Variants in CNTNAP2 observed in about 807,000 individuals in gnomAD.
CNTNAP2 encodes contactin associated protein 2.
CNTNAP2 carries 98 observed loss-of-function variants against 155.2 expected under a neutral mutation model. That is an observed-to-expected ratio of 0.63 (90% confidence interval 0.54 to 0.75). The LOEUF (loss-of-function observed/expected upper bound fraction) is 0.75. Ranked by LOEUF, CNTNAP2 falls within the 30% of genes least tolerant of loss-of-function variation. The pLI is 0.00. For synonymous variants in CNTNAP2, 651 were observed against 631.2 expected, an observed-to-expected ratio of 1.03 and a Z score of -0.47; for missense variants, 1,727 against 1,688.1, an observed-to-expected ratio of 1.02 and a Z score of -0.40.
chr7:147,874,488 A>G (rs1799388178), intron 13 of CNTNAP2, among the ~76,000 whole-genome samples: 1 of 152,350 alleles, frequency 6.6e-6, no homozygotes, highest in African/African-American at 2.4e-5. Flanking sequence ...CCTTTTAGCC[A>G]TGGCTGGAGC....
intron 3 of CNTNAP2, among the ~76,000 whole-genome samples, chr7:147,041,260 T>C (rs1229872010): frequency 6.6e-6 from 1 of 152,240 alleles, no homozygotes; most frequent in Non-Finnish European, 1.5e-5. Flanking sequence ...CCTTGTGTAT[T>C]CCTGAACACC....
intron 1 of CNTNAP2, among the ~76,000 whole-genome samples, chr7:146,518,248 A>G (rs1797569300): frequency 6.6e-6 from 1 of 151,728 alleles, no homozygotes; most frequent in Non-Finnish European, 1.5e-5. Flanking sequence ...TGAGTAGAAC[A>G]GGCTTGAAAA....
intron 1 of CNTNAP2, among the ~76,000 whole-genome samples, chr7:146,118,384 A>T (rs1250061386): frequency 1.3e-5 from 2 of 152,164 alleles, no homozygotes. Context: ...TTATAAATTT[A>T]AACAAATTTT....
At chr7:147,282,957 TAAAAG>T (rs1805077820) in intron 8 of CNTNAP2, among the ~76,000 whole-genome samples, 2 of 151,884 alleles carry the variant, frequency 1.3e-5, no homozygotes, top group Non-Finnish European at 2.9e-5. Flanking sequence ...TGAAAACCCT[TAAAAG>T]TGTCCTGAAG....
Position 146,333,211 on chromosome 7 carries a change from T to G in CNTNAP2, c.97+216238T>G, listed in dbSNP as rs536896491. 9.9e-5 allele frequency among the ~76,000 whole-genome samples: 15 copies of G among 152,128 alleles called. 1 individual carries two copies. In the South Asian group the frequency reaches 2.9e-3, roughly 29 times the overall value. ...CCACCCGCCTCGGCCTCCCAAAGTG[T>G]TGGGATTACTAGCATGAGCCACGAT... On this transcript the variant is annotated intron_variant, in intron 1 of 23. Transcript: ENST00000361727.
chr7:147,722,781 C>T (rs979039967), intron 13 of CNTNAP2, among the ~76,000 whole-genome samples: 10 of 152,058 alleles, frequency 6.6e-5, no homozygotes, highest in African/African-American at 2.4e-4. Flanking sequence ...AACTGCAACA[C>T]CTGCTACTGT....
chr7:147,311,650 G>A (rs1795129509), intron 9 of CNTNAP2, among the ~76,000 whole-genome samples: 1 of 152,084 alleles, frequency 6.6e-6, no homozygotes, highest in African/African-American at 2.4e-5. Flanking sequence ...AATACATAAA[G>A]GTAGTTACAG....
intron 9 of CNTNAP2, among the ~76,000 whole-genome samples, chr7:147,365,383 GAAAAAAAAAAAAA>G (rs10557373): frequency 9.4e-4 from 88 of 93,656 alleles, no homozygotes; most frequent in African/African-American, 2.9e-3. Flanking sequence ...ATCTCAAAAA[GAAAAAAAAAAAAA>G]AAAAAAAAAA....
chr7:148,156,839 T>G (rs1290397971), intron 17 of CNTNAP2, among the ~76,000 whole-genome samples: 1 of 152,158 alleles, frequency 6.6e-6, no homozygotes, highest in Non-Finnish European at 1.5e-5. Flanking sequence ...CTTGATTTCC[T>G]TCTTCCCTTT....
intron 10 of CNTNAP2, among the ~76,000 whole-genome samples, chr7:147,453,310 G>A (rs76372194): frequency 0.016 from 2,450 of 152,192 alleles, 69 homozygotes; most frequent in African/African-American, 0.055. Context: ...CAGAGACACC[G>A]GCCTTCCTGC....
chr7:147,624,634 C>G (rs1295533019), intron 12 of CNTNAP2, among the ~76,000 whole-genome samples: 2 of 152,044 alleles, frequency 1.3e-5, no homozygotes, highest in Non-Finnish European at 2.9e-5. Context: ...ATATGGGGAA[C>G]AGGAAATCCT....
intron 12 of CNTNAP2, among the ~76,000 whole-genome samples, chr7:147,575,405 T>TGA (rs1800378272): frequency 1.5e-5 from 2 of 137,256 alleles, no homozygotes; most frequent in Admixed American, 7.3e-5. Flanking sequence ...TGTGTGTGTG[T>TGA]ATTCCCTAGC....
At chr7:146,471,545 T>G (rs913370795) in intron 1 of CNTNAP2, among the ~76,000 whole-genome samples, 1 of 152,216 alleles carries the variant, frequency 6.6e-6, no homozygotes, top group African/African-American at 2.4e-5. Flanking sequence ...GAGCACTCCT[T>G]TCTGTTCCAT....
intron 9 of CNTNAP2, among the ~76,000 whole-genome samples, chr7:147,338,878 C>CT (rs139944094): frequency 0.02 from 3,062 of 150,856 alleles, 105 homozygotes; most frequent in African/African-American, 0.071. Context: ...TTGAAGAGGG[C>CT]TGGGGGTAGG....
At chr7:147,101,632 C>T (rs937661056) in intron 4 of CNTNAP2, among the ~76,000 whole-genome samples, 2 of 152,234 alleles carry the variant, frequency 1.3e-5, no homozygotes, top group Non-Finnish European at 1.5e-5. Flanking sequence ...ATGGAGGTGG[C>T]TCTCAGCGGG....
At chr7:147,888,546 C>A (rs1324095583) in intron 13 of CNTNAP2, among the ~76,000 whole-genome samples, 1 of 151,560 alleles carries the variant, frequency 6.6e-6, no homozygotes, top group East Asian at 1.9e-4. Context: ...TGAATGATGG[C>A]TAAAAATTGA....
chr7:148,357,017 C>T (rs1798530352), intron 21 of CNTNAP2, among the ~76,000 whole-genome samples: 2 of 152,030 alleles, frequency 1.3e-5, no homozygotes, highest in South Asian at 2.1e-4. Flanking sequence ...GAGACCTTTC[C>T]AGCTTTATCC....
chr7:146,619,171 C>A (rs1403561803), intron 1 of CNTNAP2, among the ~76,000 whole-genome samples: 1 of 151,816 alleles, frequency 6.6e-6, no homozygotes, highest in Non-Finnish European at 1.5e-5. Context: ...AAGTGTTGTT[C>A]ATTTTTATAT....
At chr7:147,822,902 T>G (rs2116624082) in intron 13 of CNTNAP2, among the ~76,000 whole-genome samples, 1 of 152,304 alleles carries the variant, frequency 6.6e-6, no homozygotes, top group African/African-American at 2.4e-5. Flanking sequence ...CTACTCTTAT[T>G]TGCTATTTGT....
Sources: allele counts gnomAD v4.1 joint callset (sites outside exome capture counted in the v4.1 genomes callset), GRCh38; gene constraint gnomAD v4.1.1; transcripts MANE v1.5; gene names NCBI Gene and HGNC (gene_info 2026-07-23, HGNC 2026-07-21).